The following ATP10B variants were observed in gnomAD, a reference collection of about 807,000 sequenced individuals.
The protein encoded by ATP10B is ATPase phospholipid transporting 10B (putative), also known as phospholipid-transporting ATPase VB.
A neutral mutation model predicts 141.2 loss-of-function variants in ATP10B; 122 were observed. That is an observed-to-expected ratio of 0.86 (90% CI 0.75 to 1.00). ATP10B has a LOEUF of 1.00. ATP10B is among the 50% of genes least tolerant of loss of function. The pLI, the probability that ATP10B is intolerant of heterozygous loss-of-function variation, is 0.00. For synonymous variants in ATP10B, 685 were observed against 692.0 expected (o/e 0.99, Z 0.16); for missense variants, 1,876 against 1,825.3 (o/e 1.03, Z -0.51).
the ATP10B span, among the ~76,000 whole-genome samples, chr5:160,899,444 G>A: frequency 2.0e-5 from 3 of 152,108 alleles, no homozygotes; most frequent in African/African-American, 7.2e-5. Flanking sequence ...AACTTTGGGG[G>A]TGACGGATGT....
chr5:160,749,367 G>T (rs542836662), intron 2 of ATP10B, among the ~76,000 whole-genome samples: 1 of 152,150 alleles, frequency 6.6e-6, no homozygotes. Flanking sequence ...AGCTAGACAC[G>T]CATGGCAGGG....
At chr5:160,775,076 T>C (rs1273030972) in intron 2 of ATP10B, among the ~76,000 whole-genome samples, 1 of 152,246 alleles carries the variant, frequency 6.6e-6, no homozygotes, top group Non-Finnish European at 1.5e-5. Flanking sequence ...GTTTGACTCC[T>C]TTGAACGCAA....
the ATP10B span, among the ~76,000 whole-genome samples, chr5:160,906,410 G>T: frequency 6.6e-6 from 1 of 152,068 alleles, no homozygotes; most frequent in African/African-American, 2.4e-5. Flanking sequence ...CAGACCCTAA[G>T]GAGCAATTTT....
intron 3 of ATP10B, among the ~76,000 whole-genome samples, chr5:160,716,354 A>G (rs1224032572): frequency 3.9e-5 from 6 of 152,176 alleles, no homozygotes; most frequent in Non-Finnish European, 8.8e-5. Context: ...AATTCATATA[A>G]CTCTCATAAC....
intron 7 of ATP10B, among the ~76,000 whole-genome samples, chr5:160,657,720 T>C (rs1039842844): frequency 6.6e-6 from 1 of 152,228 alleles, no homozygotes; most frequent in Non-Finnish European, 1.5e-5. Flanking sequence ...TAAAAGGAAC[T>C]AATTGTTGGC....
chr5:160,596,160 C>G (rs112437272), intron 22 of ATP10B, among the ~76,000 whole-genome samples: 1 of 151,896 alleles, frequency 6.6e-6, no homozygotes, highest in African/African-American at 2.4e-5. Flanking sequence ...ACTGGCAAAC[C>G]AAACCCAGCA....
rs1304852306 is a variant in ATP10B at position 160,607,101 on chromosome 5, A to G, written c.2839-15T>C. 6.0e-5 allele frequency: 95 copies of G among 1,596,196 alleles called. No homozygotes were observed. Among genetic ancestry groups the G allele is most frequent in the Non-Finnish European group, 8.0e-5 (93 of 1,168,648 alleles). On this transcript the variant is annotated splice_polypyrimidine_tract_variant and intron_variant, in intron 18 of 25. Transcript: ENST00000327245. ...TCACAGGTCTCCTATAAAGAAGCAT[A>G]ATAATACAGTATTTGTAAGCAACCT... is the stretch of plus-strand genomic sequence containing the variant.
At chr5:160,775,189 T>C (rs528884597) in intron 2 of ATP10B, among the ~76,000 whole-genome samples, 49 of 152,354 alleles carry the variant, frequency 3.2e-4, no homozygotes, top group African/African-American at 9.1e-4. Flanking sequence ...CCCCAGGCCA[T>C]GCCTGTCTGC....
chr5:160,823,544 CTTAAAA>C (rs1207072809), intron 1 of ATP10B, among the ~76,000 whole-genome samples: 2 of 152,190 alleles, frequency 1.3e-5, no homozygotes, highest in African/African-American at 4.8e-5. Flanking sequence ...TAACCCAGAA[CTTAAAA>C]TTAAAATTTA....
rs1581624916 is a variant in ATP10B at position 160,833,744 on chromosome 5, T to C, written c.-576+18197A>G. Among the ~76,000 whole-genome samples, 3 of 152,296 alleles carry C rather than the reference T, an allele frequency of 2.0e-5. No homozygotes were observed. The East Asian group carries it at 5.8e-4, about 29-fold the overall frequency. On this transcript the variant is annotated intron_variant, in intron 1 of 25. Coordinates refer to ENST00000327245, the MANE Select transcript of ATP10B (RefSeq NM_025153.3). ...AATTTAGCTGAGAAATGAAACCTTATAAGACAGAACCCTATTTTTACTTTG... is the reference window on the plus strand; with the variant it reads ...AATTTAGCTGAGAAATGAAACCTTACAAGACAGAACCCTATTTTTACTTTG...
the ATP10B span, among the ~76,000 whole-genome samples, chr5:160,871,458 C>T: frequency 6.6e-6 from 1 of 151,868 alleles, no homozygotes; most frequent in Admixed American, 6.6e-5. Flanking sequence ...TTTGGTGCAC[C>T]CATCACCTGC....
At chr5:160,652,947 A>T (rs1228822854) in intron 7 of ATP10B, among the ~76,000 whole-genome samples, 12 of 84,246 alleles carry the variant, frequency 1.4e-4, no homozygotes, top group Non-Finnish European at 2.2e-4. Context: ...ATGTATATAT[A>T]ATATATTATA....
At chr5:160,771,963 G>A (rs1190691038) in intron 2 of ATP10B, among the ~76,000 whole-genome samples, 1 of 152,240 alleles carries the variant, frequency 6.6e-6, no homozygotes, top group Non-Finnish European at 1.5e-5. Context: ...GCCTGGATAA[G>A]GCCGACTAAT....
chr5:160,895,678 C>G, the ATP10B span, among the ~76,000 whole-genome samples: 1 of 152,190 alleles, frequency 6.6e-6, no homozygotes, highest in Non-Finnish European at 1.5e-5. Context: ...GACTTGAACT[C>G]AGCTCTGCAC....
chr5:160,876,610 A>C, the ATP10B span, among the ~76,000 whole-genome samples: 1 of 151,824 alleles, frequency 6.6e-6, no homozygotes. Context: ...GGTTTTTTGA[A>C]AGGATCAACA....
chr5:160,664,271 T>G (rs1214994764), intron 7 of ATP10B, among the ~76,000 whole-genome samples: 2 of 152,216 alleles, frequency 1.3e-5, no homozygotes, highest in African/African-American at 4.8e-5. Flanking sequence ...ACCTTTTGCT[T>G]TAACTGAGGT....
chr5:160,923,005 G>A, the ATP10B span, among the ~76,000 whole-genome samples: 2 of 152,228 alleles, frequency 1.3e-5, no homozygotes, highest in African/African-American at 4.8e-5. Flanking sequence ...TTGTTTGGAA[G>A]ACTTTTCAAT....
intron 1 of ATP10B, among the ~76,000 whole-genome samples, chr5:160,797,566 T>C (rs1772035999): frequency 6.6e-6 from 1 of 152,226 alleles, no homozygotes; most frequent in South Asian, 2.1e-4. Context: ...CCTAAGTGCC[T>C]AGCATTTGGC....
chr5:160,703,188 T>C (rs1450133053), intron 3 of ATP10B, among the ~76,000 whole-genome samples: 2 of 152,168 alleles, frequency 1.3e-5, no homozygotes, highest in African/African-American at 4.8e-5. Context: ...TAATTTATTA[T>C]GTATATAATT....
Sources: gnomAD v4.1 joint callset for allele counts (sites outside exome capture counted in the v4.1 genomes callset) on GRCh38, gnomAD v4.1.1 for gene constraint, MANE v1.5 for transcripts, NCBI Gene and HGNC (gene_info 2026-07-23, HGNC 2026-07-21) for gene names.